The following ENO1 variants were observed in gnomAD, a reference collection of about 807,000 sequenced individuals.
The protein encoded by ENO1 is alpha-enolase.
ENO1 carries 33 observed loss-of-function variants against 46.3 expected under a neutral mutation model. That is an observed-to-expected ratio of 0.71 (90% CI 0.54 to 0.95). ENO1 has a LOEUF of 0.95. Ranked by LOEUF, ENO1 falls within the 40% of genes least tolerant of loss-of-function variation. The pLI, the probability that ENO1 is intolerant of heterozygous loss-of-function variation, is 0.00. For missense variants in ENO1, 488 were observed against 553.3 expected (o/e 0.88, Z 1.18); for synonymous variants, 220 against 216.0 (o/e 1.02, Z -0.16).
chr1:8,861,724 A>G (rs1642409311), intron 11 of ENO1, among the ~76,000 whole-genome samples: 1 of 152,104 alleles, frequency 6.6e-6, no homozygotes. Flanking sequence ...AGAGGAGCAA[A>G]GTAAAATGTC....
At chr1:8,863,422 C>T (rs1305988719) in intron 9 of ENO1, 79 bp from the exon 10 acceptor site, 1 of 1,407,082 alleles carries the variant, frequency 7.1e-7, no homozygotes, top group Non-Finnish European at 9.6e-7. Context: ...CCCCTCGGTG[C>T]CAGCAGGAAA....
intron 4 of ENO1, among the ~76,000 whole-genome samples, chr1:8,869,521 C>T (rs997368931): frequency 6.6e-5 from 10 of 152,072 alleles, no homozygotes; most frequent in East Asian, 3.8e-4. Flanking sequence ...CAAGAATAGA[C>T]GGAGGCTGTG....
At chr1:8,870,070 T>C in intron 4 of ENO1, 1 of 197,370 alleles carries the variant, frequency 5.1e-6, no homozygotes. Context: ...ACTCCACTGT[T>C]AAAGTCAGTA....
At chr1:8,868,323 A>T (rs1052010230) in intron 4 of ENO1, among the ~76,000 whole-genome samples, 3 of 152,140 alleles carry the variant, frequency 2.0e-5, no homozygotes, top group Non-Finnish European at 4.4e-5. Flanking sequence ...AAAGGTTAAT[A>T]GTCTACCCAG....
In ENO1 at chr1:8,867,217, G is replaced by A; in HGVS notation, c.344C>T (p.Ser115Phe). 1 of 1,614,198 alleles carries A rather than the reference G, an allele frequency of 6.2e-7. No individual in the cohort carries two copies. Among genetic ancestry groups the A allele is most frequent in the Non-Finnish European group, 8.5e-7 (1 of 1,180,032 alleles). The change falls in exon 6 of 12, where the codon TCC becomes TTC. Residue 115 changes from serine (S) to phenylalanine (F), a missense_variant. Coordinates refer to ENST00000234590, the MANE Select transcript of ENO1 (RefSeq NM_001428.5). ...KFGANAILGVSLAVCKAGAVE... is the reference protein window; with the variant it reads ...KFGANAILGVFLAVCKAGAVE... ...GGCACCAGCTTTGCAGACGGCAAGGGACACCCCCAGAATGGCGTTCGCACC... is the reference window on the plus strand; with the variant it reads ...GGCACCAGCTTTGCAGACGGCAAGGAACACCCCCAGAATGGCGTTCGCACC...
rs570627802 is a variant in ENO1 at position 8,869,472 on chromosome 1, C to T, written c.240+980G>A. ...AACAAAGGAACTCCTCCTTTTCCCT[C>T]GTGTACAGAATGAATTCATGGAGGA... On this transcript the variant is annotated intron_variant, in intron 4 of 11. Coordinates refer to ENST00000234590, the MANE Select transcript of ENO1 (RefSeq NM_001428.5). 8.5e-5 allele frequency among the ~76,000 whole-genome samples: 13 copies of T among 152,224 alleles called. No homozygotes were observed. In the East Asian group the frequency reaches 1.2e-3, roughly 14 times the overall value.
intron 7 of ENO1, 52 bp from the exon 8 acceptor site, chr1:8,865,534 A>G (rs151266724): frequency 1.3e-6 from 2 of 1,577,166 alleles, no homozygotes; most frequent in African/African-American, 2.7e-5. Context: ...TACAGAGAAA[A>G]CTTCCCTTCA....
chr1:8,870,031 C>T (rs1447822953), intron 4 of ENO1: 1 of 171,032 alleles, frequency 5.8e-6, no homozygotes, highest in African/African-American at 2.4e-5. Context: ...GTTTGACATA[C>T]TGAGATTTCC....
intron 4 of ENO1, 40 bp downstream of exon 4, chr1:8,870,412 G>A: frequency 6.2e-7 from 1 of 1,613,750 alleles, no homozygotes; most frequent in Non-Finnish European, 8.5e-7. Flanking sequence ...AGACGCTCTG[G>A]TGGCATTAGA....
intron 4 of ENO1, among the ~76,000 whole-genome samples, chr1:8,869,160 C>T (rs1458607353): frequency 6.6e-6 from 1 of 152,124 alleles, no homozygotes; most frequent in Non-Finnish European, 1.5e-5. Context: ...AACAGGCAGG[C>T]AGTTACCCAA....
intron 3 of ENO1, chr1:8,871,406 C>G: frequency 1.0e-6 from 1 of 996,400 alleles, no homozygotes; most frequent in Non-Finnish European, 1.2e-6. Context: ...AGCAGGGCTC[C>G]TATGAGTCAG....
Position 8,863,940 on chromosome 1 carries a change from G to A in ENO1, c.1018C>T (p.Leu340Phe). Residue 340 changes from leucine to phenylalanine, a missense_variant, in exon 9 of 12, where the codon CTC becomes TTC. Leu to Phe is a conservative substitution (Grantham distance 22, BLOSUM62 0). Transcript: ENST00000234590. ...CCAATCTGGTTGACTTTGAGCAGGA[G>A]GCAGTTGCAGGACTTCTCGTTCACG... ...KAVNEKSCNC[L>F]LLKVNQIGSV... The A allele has an allele frequency of 6.2e-7, 1 of 1,614,084 alleles. No homozygotes were observed. The highest frequency in any genetic ancestry group is 1.3e-5 in the African/African-American group (1 of 75,006).
intron 3 of ENO1, 83 bp from the exon 4 acceptor site, chr1:8,870,593 G>C: frequency 1.9e-6 from 3 of 1,587,894 alleles, no homozygotes; most frequent in South Asian, 1.1e-5. Context: ...CCACTGTTGA[G>C]GCCGACGCGG....
At position 8,862,902 on chromosome 1, in the gene ENO1, T is replaced by C; in HGVS notation, c.1220A>G (p.Tyr407Cys). The C allele has an allele frequency of 6.2e-7, 1 of 1,614,130 alleles. No individual in the cohort carries two copies. The highest frequency in any genetic ancestry group is 8.5e-7 in the Non-Finnish European group (1 of 1,179,992). Reference sequence around the variant, plus strand: ...CCCTCCTTACCTGAGGAGCTGGTTGTACTTGGCCAAGCGCTCAGATCGGCA... The same window carrying C: ...CCCTCCTTACCTGAGGAGCTGGTTGCACTTGGCCAAGCGCTCAGATCGGCA... ...APCRSERLAK[Y>C]NQLLRIEEEL... The change falls in exon 11 of 12, where the codon TAC (tyrosine) becomes TGC (cysteine). Residue 407 changes from tyrosine to cysteine, a missense_variant. Tyr to Cys is a radical substitution (Grantham distance 194). Coordinates refer to ENST00000234590, the MANE Select transcript of ENO1 (RefSeq NM_001428.5).
At chr1:8,871,237 T>C in intron 3 of ENO1, 1 of 1,022,586 alleles carries the variant, frequency 9.8e-7, no homozygotes, top group East Asian at 8.8e-5. Flanking sequence ...GTCCCCTCCC[T>C]GCAGCCTTTT....
At chr1:8,862,458 A>C (rs961690336) in intron 11 of ENO1, among the ~76,000 whole-genome samples, 2 of 152,212 alleles carry the variant, frequency 1.3e-5, no homozygotes, top group African/African-American at 2.4e-5. Context: ...GAACAGCCCC[A>C]CAGCGCTCAC....
Position 8,861,438 on chromosome 1 carries a change from G to T in ENO1, c.1236-9C>A. 1 of 1,614,006 alleles carries T rather than the reference G, an allele frequency of 6.2e-7. No individual in the cohort carries two copies. The highest frequency in any genetic ancestry group is 8.5e-7 in the Non-Finnish European group (1 of 1,179,992). On this transcript the variant is annotated splice_polypyrimidine_tract_variant and intron_variant, in intron 11 of 11. Coordinates refer to ENST00000234590, the MANE Select transcript of ENO1 (RefSeq NM_001428.5). Reference sequence around the variant, plus strand: ...CCAGCTCCTCTTCAATTCTTGGGAAGGAGAAAGGTAAAGAGATGGGGAGGA... The same window carrying T: ...CCAGCTCCTCTTCAATTCTTGGGAATGAGAAAGGTAAAGAGATGGGGAGGA...
In ENO1 at chr1:8,867,150, C is replaced by T. The variant is rs1642536342; in HGVS notation, c.411G>A (p.Leu137=). 2 of 1,614,100 alleles carry T rather than the reference C, an allele frequency of 1.2e-6. No individual in the cohort carries two copies. The highest frequency in any genetic ancestry group is 1.7e-6 in the Non-Finnish European group (2 of 1,180,000). The change falls in exon 6 of 12, where the codon TTG becomes TTA. Residue 137 remains leucine (L), a synonymous_variant. Coordinates refer to ENST00000234590, the MANE Select transcript of ENO1 (RefSeq NM_001428.5). ...GCAGGATGACTTCAGAGTTGCCAGC[C>T]AAGTCAGCGATGTGGCGGTACAGGG... ...GVPLYRHIAD[L]AGNSEVILPV... is the part of the protein sequence containing the mutation.
chr1:8,871,065 T>A (rs969665869), intron 3 of ENO1: 1 of 1,227,472 alleles, frequency 8.1e-7, no homozygotes, highest in African/African-American at 1.6e-5. Context: ...AGGCACAGCA[T>A]CATCCTGCTC....
Sources: gnomAD v4.1 joint callset for allele counts (sites outside exome capture counted in the v4.1 genomes callset) on GRCh38, gnomAD v4.1.1 for gene constraint, MANE v1.5 for transcripts, NCBI Gene and HGNC (gene_info 2026-07-23, HGNC 2026-07-21) for gene names.